The following AR variants were observed in gnomAD, a reference collection of about 807,000 sequenced individuals.
The protein encoded by AR is androgen receptor, also known as dihydrotestosterone receptor.
In AR, 8 loss-of-function variants were observed where a neutral mutation model predicts 53.9. The ratio of observed to expected loss-of-function variants is 0.15; its 90% CI spans 0.09 to 0.27. The LOEUF (loss-of-function observed/expected upper bound fraction) is 0.27, where lower values mean the gene tolerates loss of function less well. Among genes scored for constraint, AR ranks in the 10% least tolerant of loss-of-function variants. The pLI is 1.00. For missense variants in AR, 639 were observed against 742.5 expected (o/e 0.86, Z 1.62); for synonymous variants, 359 against 316.4 (o/e 1.13, Z -1.43).
chrX:67,570,957 G>A (rs887285091), intron 1 of AR, among the ~76,000 whole-genome samples: 1 of 110,251 alleles, frequency 9.1e-6, no homozygotes, highest in Non-Finnish European at 1.9e-5. Context: ...GGCTCAGGAT[G>A]GAGTGCACAG....
At chrX:67,590,170 G>C (rs1259778208) in intron 1 of AR, among the ~76,000 whole-genome samples, 3 of 111,234 alleles carry the variant, frequency 2.7e-5, no homozygotes, top group Non-Finnish European at 3.8e-5. Flanking sequence ...CAAGAGTTTG[G>C]TTTAGGGCAT....
chrX:67,604,132 A>T (rs1458809780), intron 1 of AR, among the ~76,000 whole-genome samples: 1 of 109,917 alleles, frequency 9.1e-6, no homozygotes, highest in African/African-American at 3.3e-5. Context: ...ATGATGGTAC[A>T]GGAACAACAC....
intron 1 of AR, among the ~76,000 whole-genome samples, chrX:67,548,743 C>T (rs1929874048): frequency 8.9e-6 from 1 of 112,022 alleles, no homozygotes; most frequent in African/African-American, 3.2e-5. Context: ...AGACAACGAG[C>T]TTGGTGATTT....
intron 2 of AR, among the ~76,000 whole-genome samples, chrX:67,657,355 C>G (rs774836999): frequency 6.3e-5 from 7 of 110,813 alleles, no homozygotes; most frequent in African/African-American, 2.3e-4. Flanking sequence ...TTCTTAAGTC[C>G]TACCTTCCTT....
rs1377505909 is a variant in AR, at chrX:67,726,376, C to G, written c.*2535C>G. 2 of 173,432 alleles carry G rather than the reference C, an allele frequency of 1.2e-5. No homozygotes were observed. Among genetic ancestry groups the G allele is most frequent in the Non-Finnish European group, 2.2e-5 (2 of 90,918 alleles). 14.3% of individuals were successfully genotyped at this position (173,432 alleles called of 1,213,427 possible). On this transcript the variant is annotated 3_prime_UTR_variant, in exon 8 of 8. Coordinates refer to ENST00000374690, the MANE Select transcript of AR (RefSeq NM_000044.6). ...TTACATTTTAATAGGTCCTTTACATCTGTTTTGGAATGATTTTCATCTTTT... is the reference window on the plus strand; with the variant it reads ...TTACATTTTAATAGGTCCTTTACATGTGTTTTGGAATGATTTTCATCTTTT...
intron 1 of AR, among the ~76,000 whole-genome samples, chrX:67,573,793 A>G (rs1046345171): frequency 3.6e-5 from 4 of 111,967 alleles, no homozygotes; most frequent in African/African-American, 9.7e-5. Context: ...GTAAATATCA[A>G]TTTTGAATTT....
intron 2 of AR, among the ~76,000 whole-genome samples, chrX:67,673,957 G>T (rs1230424936): frequency 1.8e-5 from 2 of 110,861 alleles, no homozygotes; most frequent in African/African-American, 6.6e-5. Flanking sequence ...AGTATTCGAA[G>T]GGATTTGGAT....
chrX:67,719,975 ATGT>A (rs1348609951), intron 5 of AR, among the ~76,000 whole-genome samples: 3 of 112,129 alleles, frequency 2.7e-5, no homozygotes, highest in Non-Finnish European at 5.6e-5. Flanking sequence ...TAGAGATCAC[ATGT>A]TGTGAGGATA....
chrX:67,577,433 G>A (rs1221230104), intron 1 of AR, among the ~76,000 whole-genome samples: 1 of 111,038 alleles, frequency 9.0e-6, no homozygotes, highest in African/African-American at 3.3e-5. Flanking sequence ...ATGCTGCTAT[G>A]AACGTTCGTG....
At chrX:67,691,714 C>T (rs2075996436) in intron 3 of AR, among the ~76,000 whole-genome samples, 1 of 111,948 alleles carries the variant, frequency 8.9e-6, no homozygotes, top group African/African-American at 3.2e-5. Context: ...AAGAATCAGT[C>T]AATAATGCAT....
rs752573717 is a variant in AR, at chrX:67,663,024, A to T, written c.1768+19617A>T. On this transcript the variant is annotated intron_variant, in intron 2 of 7. Transcript: ENST00000374690. ...ATTTTGAGCCTATGTGTGTCTCTGC[A>T]TGTTAGACGGGTTTCCTGAATACAG... 1.7e-3 allele frequency among the ~76,000 whole-genome samples: 186 copies of T among 111,400 alleles called. 1 individual carries two copies. Among genetic ancestry groups the T allele is most frequent in the African/African-American group, 5.0e-3 (154 of 30,568 alleles).
intron 1 of AR, among the ~76,000 whole-genome samples, chrX:67,625,032 A>G (rs778407538): frequency 9.1e-6 from 1 of 109,698 alleles, no homozygotes; most frequent in Non-Finnish European, 1.9e-5. Flanking sequence ...TAAGGAATCC[A>G]TGATAAACTA....
intron 2 of AR, among the ~76,000 whole-genome samples, chrX:67,652,498 T>G (rs1926392472): frequency 8.9e-6 from 1 of 112,365 alleles, no homozygotes; most frequent in Non-Finnish European, 1.9e-5. Context: ...TCAAACCATT[T>G]CATGGAAAAG....
At chrX:67,719,189 A>G (rs1397557635) in intron 5 of AR, among the ~76,000 whole-genome samples, 2 of 111,891 alleles carry the variant, frequency 1.8e-5, no homozygotes, top group South Asian at 3.8e-4. Flanking sequence ...AATAACCACT[A>G]GGCTTTTGGC....
rs1205811537 is a variant in AR at position 67,546,218 on chromosome X, G to T, written c.1072G>T (p.Ala358Ser). The T allele has an allele frequency of 8.3e-7, 1 of 1,211,589 alleles. No homozygotes were observed. Among genetic ancestry groups the T allele is most frequent in the African/African-American group, 1.7e-5 (1 of 57,947 alleles). ...YKSGALDEAAAYQSRDYYNFP... is the reference protein window; with the variant it reads ...YKSGALDEAASYQSRDYYNFP... ...GTCCGGAGCACTGGACGAGGCAGCTGCGTACCAGAGTCGCGACTACTACAA... is the reference window on the plus strand; with the variant it reads ...GTCCGGAGCACTGGACGAGGCAGCTTCGTACCAGAGTCGCGACTACTACAA... Residue 358 changes from alanine to serine, a missense_variant, in exon 1 of 8, where the codon GCG becomes TCG. Around this residue, in one of 5 missense-constraint regions of AR, gnomAD observed 423 missense variants for 377.0 expected, o/e 1.12. Coordinates refer to ENST00000374690, the MANE Select transcript of AR (RefSeq NM_000044.6).
intron 1 of AR, among the ~76,000 whole-genome samples, chrX:67,593,602 G>A (rs943579288): frequency 2.7e-4 from 30 of 111,312 alleles, no homozygotes; most frequent in Admixed American, 9.5e-5. Flanking sequence ...TGCCCGCCTT[G>A]CCCTCCCAAA....
chrX:67,646,312 G>T (rs748605090), intron 2 of AR, among the ~76,000 whole-genome samples: 1 of 111,216 alleles, frequency 9.0e-6, no homozygotes, highest in Admixed American at 9.6e-5. Flanking sequence ...CTCCTTGTCA[G>T]TAATGTTGGA....
intron 3 of AR, among the ~76,000 whole-genome samples, chrX:67,694,320 CCTA>C (rs2076009500): frequency 9.1e-6 from 1 of 110,170 alleles, no homozygotes; most frequent in Non-Finnish European, 1.9e-5. Flanking sequence ...CTTCTCTTCT[CCTA>C]CATCTTCTCA....
chrX:67,684,290 C>G, intron 2 of AR, among the ~76,000 whole-genome samples: 1 of 111,946 alleles, frequency 8.9e-6, no homozygotes. Flanking sequence ...CAGTTTGCAA[C>G]AGAAATAAAG....
Sources: gnomAD v4.1 joint callset for allele counts (sites outside exome capture counted in the v4.1 genomes callset) on GRCh38, gnomAD v4.1.1 for gene constraint, gnomAD v4.1.1 regional missense constraint, MANE v1.5 for transcripts, NCBI Gene and HGNC (gene_info 2026-07-23, HGNC 2026-07-21) for gene names.